Variants in PLXNB1 observed in about 807,000 individuals in gnomAD.
PLXNB1 encodes the protein plexin B1.
PLXNB1 carries 106 observed loss-of-function variants against 209.4 expected under a neutral mutation model. The ratio of observed to expected loss-of-function variants is 0.51; its 90% CI spans 0.43 to 0.59. The LOEUF (loss-of-function observed/expected upper bound fraction) is 0.59, where lower values mean the gene tolerates loss of function less well. Ranked by LOEUF, PLXNB1 falls within the 20% of genes least tolerant of loss-of-function variation. PLXNB1 has a pLI of 0.00. For missense variants in PLXNB1, 2,357 were observed against 2,853.2 expected, an observed-to-expected ratio of 0.83 and a Z score of 3.96; for synonymous variants, 1,167 against 1,183.2, an observed-to-expected ratio of 0.99 and a Z score of 0.28.
In PLXNB1 at chr3:48,416,000, G is replaced by A; in HGVS notation, c.3617+31C>T. 6.3e-7 allele frequency: 1 copy of A among 1,592,730 alleles called. No individual in the cohort carries two copies. The highest frequency in any genetic ancestry group is 8.6e-7 in the Non-Finnish European group (1 of 1,168,586). On this transcript the variant is annotated intron_variant, in intron 18 of 37. Transcript: ENST00000296440. The surrounding 1 kb of genome is among the most constrained non-coding windows in gnomAD (Gnocchi z 5.0). ...CTCCATCTTTCCCCTGGAGCAGATG[G>A]ATTTTTGCAGGATGAGGAAGTGGCC...
intron 1 of PLXNB1, among the ~76,000 whole-genome samples, chr3:48,427,814 G>A (rs1406820556): frequency 6.6e-6 from 1 of 152,208 alleles, no homozygotes; most frequent in Non-Finnish European, 1.5e-5. Context: ...CTCCTGAGGA[G>A]GCCGCTGCAT....
Position 48,404,398 on chromosome 3 carries a change from C to T in PLXNB1, c.*88G>A, listed in dbSNP as rs956730983. The T allele has an allele frequency of 2.6e-6, 2 of 774,714 alleles. No homozygotes were observed. Among genetic ancestry groups the T allele is most frequent in the Non-Finnish European group, 4.3e-6 (2 of 464,708 alleles). The allele number at this position is 774,714 out of a possible 1,614,324, so 48.0% of individuals were successfully genotyped here. A position where few individuals can be genotyped will look rare whatever the true frequency, so the allele number is the denominator to read the frequency against. ...CACTAACTCTGCTTGTCAGTCACTA[C>T]AGGCACCTAAGAAGGTGGCCTCTCC... is the stretch of plus-strand genomic sequence containing the variant. On this transcript the variant is annotated 3_prime_UTR_variant, in exon 38 of 38. Transcript: ENST00000296440.
chr3:48,413,964 G>T lies in PLXNB1; in HGVS notation c.4317C>A (p.Pro1439=). The part of the protein sequence containing the change: ...TLTRHHLYCE[P]PVEQPLPRHH... Reference sequence around the variant, plus strand: ...GCCGTGGCAGGGGCTGCTCCACGGGGGGCTCGCAGTACAGGTGGTGCCGCG... The same window carrying T: ...GCCGTGGCAGGGGCTGCTCCACGGGTGGCTCGCAGTACAGGTGGTGCCGCG... The change falls in exon 22 of 38, where the codon CCC becomes CCA. Residue 1439 remains proline, a synonymous_variant. Coordinates refer to ENST00000296440, the MANE Select transcript of PLXNB1 (RefSeq NM_001130082.3). The surrounding 1 kb of genome is among the most constrained non-coding windows in gnomAD (Gnocchi z 5.4). 1 of 1,613,580 alleles carries T rather than the reference G, an allele frequency of 6.2e-7. No homozygotes were observed. The highest frequency in any genetic ancestry group is 1.1e-5 in the South Asian group (1 of 91,072).
chr3:48,404,399 AG>A lies in PLXNB1; in HGVS notation c.*86del. 1 of 776,010 alleles carries A rather than the reference AG, an allele frequency of 1.3e-6. No individual in the cohort carries two copies. The highest frequency in any genetic ancestry group is 2.2e-6 in the Non-Finnish European group (1 of 465,032). The allele number at this position is 776,010 out of a possible 1,614,324, so 48.1% of individuals were successfully genotyped here. A position where few individuals can be genotyped will look rare whatever the true frequency, so the allele number is the denominator to read the frequency against. The stretch of plus-strand genomic sequence containing the variant: ...ACTAACTCTGCTTGTCAGTCACTAC[AG>A]GCACCTAAGAAGGTGGCCTCTCCTC... On this transcript the variant is annotated 3_prime_UTR_variant, in exon 38 of 38. Transcript: ENST00000296440.
At chr3:48,407,118 GAGGA>G (rs768211605) in intron 34 of PLXNB1, 27 bp from the exon 35 acceptor site, 14 of 1,603,580 alleles carry the variant, frequency 8.7e-6, no homozygotes, top group East Asian at 2.2e-5. Context: ...GACAGCAAAA[GAGGA>G]AGGAAGGAAG....
In PLXNB1 at chr3:48,409,532, C is replaced by T; in HGVS notation, c.5939+39G>A. On this transcript the variant is annotated intron_variant, in intron 33 of 37. Coordinates refer to ENST00000296440, the MANE Select transcript of PLXNB1 (RefSeq NM_001130082.3). The surrounding 1 kb of genome is among the most constrained non-coding windows in gnomAD (Gnocchi z 5.8). ...GTGCTGGGGAGGCAGAAGAGAAGAC[C>T]CCCCACACACACCTAGAGCCCACCC... 2 of 1,613,730 alleles carry T rather than the reference C, an allele frequency of 1.2e-6. No homozygotes were observed. The highest frequency in any genetic ancestry group is 2.7e-5 in the African/African-American group (2 of 74,986).
intron 6 of PLXNB1, 89 bp from the exon 7 acceptor site, chr3:48,421,895 G>GCCCTGCC: frequency 6.6e-7 from 1 of 1,525,304 alleles, no homozygotes; most frequent in Non-Finnish European, 8.8e-7. Flanking sequence ...GAGGACCTGG[G>GCCCTGCC]CAGGGCCCTA....
rs1489163618 is a variant in PLXNB1, at chr3:48,424,190, T to C, written c.422A>G (p.Gln141Arg). The part of the protein sequence containing the change: ...LLRPERPGDT[Q>R]YVAANDPAVS... ...CGCAGGATCATTGGCAGCCACATATTGTGTGTCCCCAGGCCGCTCTGGCCG... is the reference window on the plus strand; with the variant it reads ...CGCAGGATCATTGGCAGCCACATATCGTGTGTCCCCAGGCCGCTCTGGCCG... The change falls in exon 3 of 38, where the codon CAA becomes CGA. Residue 141 changes from glutamine (Q) to arginine (R), a missense_variant. Gln to Arg is a conservative substitution (Grantham distance 43). Coordinates refer to ENST00000296440, the MANE Select transcript of PLXNB1 (RefSeq NM_001130082.3). 2 of 1,590,302 alleles carry C rather than the reference T, an allele frequency of 1.3e-6. No homozygotes were observed. Among genetic ancestry groups the C allele is most frequent in the East Asian group, 2.3e-5 (1 of 44,292 alleles).
At chr3:48,412,996 A>G in intron 24 of PLXNB1, 37 bp from the exon 25 acceptor site, 2 of 1,610,572 alleles carry the variant, frequency 1.2e-6, no homozygotes, top group East Asian at 2.2e-5. Context: ...GCACCTGTTA[A>G]GCACCAATCC....
Position 48,406,978 on chromosome 3 carries a change from C to T in PLXNB1, c.6152+49G>A, listed in dbSNP as rs2037352587. On this transcript the variant is annotated intron_variant, in intron 35 of 37. Transcript: ENST00000296440. The surrounding 1 kb of genome is among the most constrained non-coding windows in gnomAD (Gnocchi z 4.4). Reference sequence around the variant, plus strand: ...TCCCAACCAGAGCCCACCCCCCAAGCCTCAGCTGCACACGCCCTCCAACCT... The same window carrying T: ...TCCCAACCAGAGCCCACCCCCCAAGTCTCAGCTGCACACGCCCTCCAACCT... The T allele has an allele frequency of 1.2e-6, 2 of 1,609,818 alleles. No individual in the cohort carries two copies. The highest frequency in any genetic ancestry group is 1.7e-5 in the Admixed American group (1 of 59,980).
At position 48,423,896 on chromosome 3, in the gene PLXNB1, G is replaced by C; in HGVS notation, c.716C>G (p.Ala239Gly). 1 of 1,614,032 alleles carries C rather than the reference G, an allele frequency of 6.2e-7. No individual in the cohort carries two copies. The highest frequency in any genetic ancestry group is 8.5e-7 in the Non-Finnish European group (1 of 1,179,996). The change falls in exon 3 of 38, where the codon GCT (alanine) becomes GGT (glycine). Residue 239 changes from alanine to glycine, a missense_variant. By Grantham distance (60) the Ala-to-Gly change is moderately conservative. Transcript: ENST00000296440. ...ATAGGCACGAAAAGCTCTAGACTGAGCCTGCAGGTCCCGCCGCAGGAACAG... is the reference window on the plus strand; with the variant it reads ...ATAGGCACGAAAAGCTCTAGACTGACCCTGCAGGTCCCGCCGCAGGAACAG... ...YFLFLRRDLQ[A>G]QSRAFRAYVS...
chr3:48,409,885 C>A lies in PLXNB1; in HGVS notation c.5778+20G>T, dbSNP rs528018213. 1.3e-6 allele frequency: 2 copies of A among 1,549,858 alleles called. No individual in the cohort carries two copies. Among genetic ancestry groups the A allele is most frequent in the East Asian group, 2.4e-5 (1 of 42,398 alleles). ...CTCCCTCTCAGCCCAGGCCCCACTA[C>A]CTTGGCAGCCCCACCCCACCTTCAT... On this transcript the variant is annotated intron_variant, in intron 32 of 37. Coordinates refer to ENST00000296440, the MANE Select transcript of PLXNB1 (RefSeq NM_001130082.3). This position sits in a 1 kb window ranked among gnomAD's most constrained non-coding sequence, Gnocchi z 5.8.
At chr3:48,422,596 G>C in intron 4 of PLXNB1, 137 bp from the exon 5 acceptor site, 3 of 1,278,946 alleles carry the variant, frequency 2.3e-6, no homozygotes, top group Non-Finnish European at 3.2e-6. Flanking sequence ...AACTGGCCTA[G>C]CGGGGATGGA....
chr3:48,418,274 C>A lies in PLXNB1; in HGVS notation c.3139G>T (p.Glu1047Ter). The A allele has an allele frequency of 6.2e-7, 1 of 1,613,682 alleles. No individual in the cohort carries two copies. The highest frequency in any genetic ancestry group is 8.5e-7 in the Non-Finnish European group (1 of 1,180,036). Residue 1047 changes from glutamate (E) to a stop codon, truncating the protein, a stop_gained, in exon 15 of 38, where the codon GAG becomes TAG. Coordinates refer to ENST00000296440, the MANE Select transcript of PLXNB1 (RefSeq NM_001130082.3). LOFTEE classifies it high-confidence loss of function. This position sits in a 1 kb window ranked among gnomAD's most constrained non-coding sequence, Gnocchi z 6.6. ...TCCCGGGTCACACAACGTGGACGCT[C>A]CCCCTCACACCACACACAGCCATAC... Reference protein sequence around the residue: ...PQYGCVWCEGERPRCVTREAC... With the variant: ...PQYGCVWCEG
intron 1 of PLXNB1, among the ~76,000 whole-genome samples, chr3:48,427,193 A>C: frequency 6.6e-6 from 1 of 152,090 alleles, no homozygotes; most frequent in Middle Eastern, 3.4e-3. Flanking sequence ...AAAAACAAAA[A>C]CAAAAAAAAA....
At position 48,412,924 on chromosome 3, in the gene PLXNB1, G is replaced by A. The variant is rs1470922230; in HGVS notation, c.4672C>T (p.Leu1558Phe). 6.2e-7 allele frequency: 1 copy of A among 1,614,146 alleles called. No homozygotes were observed. Among genetic ancestry groups the A allele is most frequent in the South Asian group, 1.1e-5 (1 of 91,080 alleles). Residue 1558 changes from leucine to phenylalanine, a missense_variant, in exon 25 of 38, where the codon CTC (leucine) becomes TTC (phenylalanine). Physicochemically the swap from Leu to Phe is conservative, Grantham distance 22. Coordinates refer to ENST00000296440, the MANE Select transcript of PLXNB1 (RefSeq NM_001130082.3). The stretch of plus-strand genomic sequence containing the variant: ...AGGAAGGGGATGCCGCTGCCCAGGA[G>A]GTCACTGGTGAGATCGGTCATCTCA... Reference protein sequence around the residue: ...MTEMTDLTSDLLGSGIPFLDY... With the variant: ...MTEMTDLTSDFLGSGIPFLDY...
At position 48,424,131 on chromosome 3, in the gene PLXNB1, C is replaced by A; in HGVS notation, c.481G>T (p.Ala161Ser). 6.4e-7 allele frequency: 1 copy of A among 1,556,584 alleles called. No homozygotes were observed. The highest frequency in any genetic ancestry group is 8.7e-7 in the Non-Finnish European group (1 of 1,150,572). The stretch of plus-strand genomic sequence containing the variant: ...CCCACAAACAGGAGGGGCTCCCCTG[C>A]CAAGCCCTGGGCTACCAGCCCCACC... Reference protein sequence around the residue: ...STVGLVAQGLAGEPLLFVGRG... With the variant: ...STVGLVAQGLSGEPLLFVGRG... Residue 161 changes from alanine to serine, a missense_variant, in exon 3 of 38, where the codon GCA becomes TCA. Physicochemically the swap from Ala to Ser is moderately conservative, Grantham distance 99. Coordinates refer to ENST00000296440, the MANE Select transcript of PLXNB1 (RefSeq NM_001130082.3).
Position 48,415,721 on chromosome 3 carries a change from G to T in PLXNB1, c.3656C>A (p.Thr1219Asn). Residue 1219 changes from threonine (T) to asparagine (N), a missense_variant, in exon 19 of 38, where the codon ACC (threonine) becomes AAC (asparagine). By Grantham distance (65) the Thr-to-Asn change is moderately conservative. Around this residue, in one of 7 missense-constraint regions of PLXNB1, gnomAD observed 743 missense variants for 896.2 expected, o/e 0.83. Coordinates refer to ENST00000296440, the MANE Select transcript of PLXNB1 (RefSeq NM_001130082.3). This position sits in a 1 kb window ranked among gnomAD's most constrained non-coding sequence, Gnocchi z 5.0. ...EQQSEQLRCETSPRPTPATLP... is the reference protein window; with the variant it reads ...EQQSEQLRCENSPRPTPATLP... ...CGTGGCAGGCGTGGGGCGTGGGCTGGTCTCACACCGCAGTTGTTCTGACTG... is the reference window on the plus strand; with the variant it reads ...CGTGGCAGGCGTGGGGCGTGGGCTGTTCTCACACCGCAGTTGTTCTGACTG... The T allele has an allele frequency of 1.9e-6, 3 of 1,551,988 alleles. No individual in the cohort carries two copies. The highest frequency in any genetic ancestry group is 2.6e-6 in the Non-Finnish European group (3 of 1,147,198).
At position 48,415,351 on chromosome 3, in the gene PLXNB1, A is replaced by G. The variant is rs2038010730; in HGVS notation, c.3795-4T>C. ...GACGCATATCTCACGTCCTCCACTG[A>G]AACAGACCGTGAGCTTACGTAACGT... On this transcript the variant is annotated splice_region_variant and splice_polypyrimidine_tract_variant and intron_variant, in intron 19 of 37. Coordinates refer to ENST00000296440, the MANE Select transcript of PLXNB1 (RefSeq NM_001130082.3). This position sits in a 1 kb window ranked among gnomAD's most constrained non-coding sequence, Gnocchi z 5.0. 6.2e-7 allele frequency: 1 copy of G among 1,612,130 alleles called. No homozygotes were observed. Among genetic ancestry groups the G allele is most frequent in the Admixed American group, 1.7e-5 (1 of 59,974 alleles).
Sources: gnomAD v4.1 joint callset for allele counts (sites outside exome capture counted in the v4.1 genomes callset) on GRCh38, gnomAD v4.1.1 for gene constraint, gnomAD v4.1.1 regional missense constraint, Gnocchi (gnomAD v3.1) non-coding constraint, MANE v1.5 for transcripts, NCBI Gene and HGNC (gene_info 2026-07-23, HGNC 2026-07-21) for gene names.